The following NCK2 variants were observed in gnomAD, a reference collection of about 807,000 sequenced individuals.
NCK2 encodes the protein NCK adaptor protein 2, also known as cytoplasmic protein NCK2.
A neutral mutation model predicts 33.9 loss-of-function variants in NCK2; 16 were observed. That is an observed-to-expected ratio of 0.47 (90% CI 0.32 to 0.72). The LOEUF is 0.72. Ranked by LOEUF, NCK2 falls within the 30% of genes least tolerant of loss-of-function variation. NCK2 has a pLI of 0.03. For synonymous variants in NCK2, 273 were observed against 239.9 expected, an observed-to-expected ratio of 1.14 and a Z score of -1.27; for missense variants, 418 against 537.3, an observed-to-expected ratio of 0.78 and a Z score of 2.19.
At chr2:105,869,310 A>G (rs1315359746) in intron 3 of NCK2, among the ~76,000 whole-genome samples, 3 of 152,152 alleles carry the variant, frequency 2.0e-5, no homozygotes, top group African/African-American at 7.2e-5. Context: ...TGACAACACA[A>G]TGGCAGCCAT....
At chr2:105,771,859 A>G (rs555547992) in intron 1 of NCK2, among the ~76,000 whole-genome samples, 222 of 152,274 alleles carry the variant, frequency 1.5e-3, no homozygotes, top group Non-Finnish European at 1.5e-3. Context: ...AGGCCTGCCC[A>G]TCACTCAGAT....
Position 105,873,668 on chromosome 2 carries a change from G to T in NCK2, c.227-7660G>T, listed in dbSNP as rs868180278. ...TGGGGGAAGGGTGGTTTTATTTTTTGGGGGCTCTTAATTGAAGAGACTGAA... is the reference window on the plus strand; with the variant it reads ...TGGGGGAAGGGTGGTTTTATTTTTTTGGGGCTCTTAATTGAAGAGACTGAA... On this transcript the variant is annotated intron_variant, in intron 3 of 4. Transcript: ENST00000233154. Among the ~76,000 whole-genome samples, 446 of 146,322 alleles carry T rather than the reference G, an allele frequency of 3.0e-3. 1 individual carries two copies. The highest frequency in any genetic ancestry group is 0.011 in the African/African-American group (401 of 36,048).
At chr2:105,889,730 T>C (rs1475774797) in intron 4 of NCK2, among the ~76,000 whole-genome samples, 2 of 152,020 alleles carry the variant, frequency 1.3e-5, no homozygotes, top group African/African-American at 4.8e-5. Flanking sequence ...ACCACAGGTA[T>C]GCATCACCAC....
intron 1 of NCK2, among the ~76,000 whole-genome samples, chr2:105,778,159 G>T (rs899326954): frequency 6.6e-6 from 1 of 152,190 alleles, no homozygotes; most frequent in African/African-American, 2.4e-5. Flanking sequence ...GCAGGCCTCT[G>T]GGACTGGGTC....
chr2:105,881,550 G>A lies in NCK2; in HGVS notation c.449G>A (p.Arg150Gln), dbSNP rs749591659. 1.2e-6 allele frequency: 2 copies of A among 1,613,974 alleles called. No individual in the cohort carries two copies. Among genetic ancestry groups the A allele is most frequent in the East Asian group, 2.2e-5 (1 of 44,872 alleles). The change falls in exon 4 of 5, where the codon CGG becomes CAG. Residue 150 changes from arginine to glutamine, a missense_variant. Coordinates refer to ENST00000233154, the MANE Select transcript of NCK2 (RefSeq NM_003581.5). ...GAGAAGTGCAGCGACGGTTGGTGGCGGGGCAGCTACAACGGGCAGATCGGC... is the reference window on the plus strand; with the variant it reads ...GAGAAGTGCAGCGACGGTTGGTGGCAGGGCAGCTACAACGGGCAGATCGGC... The part of the protein sequence containing the change: ...VMEKCSDGWW[R>Q]GSYNGQIGWF...
intron 1 of NCK2, among the ~76,000 whole-genome samples, chr2:105,774,526 C>T (rs578014516): frequency 6.6e-6 from 1 of 152,172 alleles, no homozygotes; most frequent in East Asian, 1.9e-4. Flanking sequence ...TGTTGAGCCC[C>T]TGGAACAATG....
At chr2:105,892,939 C>T in intron 4 of NCK2, 43 bp from the exon 5 acceptor site, 2 of 1,539,128 alleles carry the variant, frequency 1.3e-6, no homozygotes, top group Non-Finnish European at 1.8e-6. Context: ...GACACAGCTC[C>T]CCGCTGTGGC....
At chr2:105,838,426 A>G (rs935426046) in intron 2 of NCK2, among the ~76,000 whole-genome samples, 1 of 152,174 alleles carries the variant, frequency 6.6e-6, no homozygotes, top group Non-Finnish European at 1.5e-5. Context: ...TTTGCTAAAA[A>G]GAATTGGAAG....
At chr2:105,778,862 A>G (rs1690395292) in intron 1 of NCK2, among the ~76,000 whole-genome samples, 2 of 151,908 alleles carry the variant, frequency 1.3e-5, no homozygotes, top group African/African-American at 2.4e-5. Flanking sequence ...AGCTAGGACT[A>G]TAGGCACACA....
chr2:105,794,518 C>T (rs1274999026), intron 1 of NCK2, among the ~76,000 whole-genome samples: 1 of 151,906 alleles, frequency 6.6e-6, no homozygotes, highest in Non-Finnish European at 1.5e-5. Flanking sequence ...CTGAAAACAA[C>T]AGAAAATGTT....
intron 4 of NCK2, 97 bp downstream of exon 4, chr2:105,882,146 C>G: frequency 7.8e-7 from 1 of 1,287,744 alleles, no homozygotes; most frequent in Non-Finnish European, 1.0e-6. Context: ...TGTGAGTACA[C>G]TAGAAAGAGC....
intron 3 of NCK2, among the ~76,000 whole-genome samples, chr2:105,876,398 G>T (rs962592188): frequency 6.6e-6 from 1 of 152,230 alleles, no homozygotes; most frequent in African/African-American, 2.4e-5. Flanking sequence ...CTCCCTGAAG[G>T]ATCCACCTGG....
chr2:105,760,589 G>GA (rs1689736619), intron 1 of NCK2, among the ~76,000 whole-genome samples: 1 of 152,078 alleles, frequency 6.6e-6, no homozygotes, highest in Non-Finnish European at 1.5e-5. Context: ...CCACCTCTTG[G>GA]ATCTCTCCAT....
chr2:105,773,828 G>A (rs1180133438), intron 1 of NCK2, among the ~76,000 whole-genome samples: 2 of 152,166 alleles, frequency 1.3e-5, no homozygotes, highest in African/African-American at 2.4e-5. Flanking sequence ...ATCGGTAGTG[G>A]TGTGGACTGT....
At chr2:105,796,184 G>A (rs1023833049) in intron 1 of NCK2, among the ~76,000 whole-genome samples, 7 of 152,176 alleles carry the variant, frequency 4.6e-5, no homozygotes, top group African/African-American at 9.7e-5. Context: ...TGTATTGGCC[G>A]CCCTCTGGGC....
At chr2:105,748,577 T>C (rs1689361962) in intron 1 of NCK2, among the ~76,000 whole-genome samples, 1 of 151,908 alleles carries the variant, frequency 6.6e-6, no homozygotes, top group Non-Finnish European at 1.5e-5. Context: ...AATTTTTTTA[T>C]TTTTATTTTT....
intron 3 of NCK2, among the ~76,000 whole-genome samples, chr2:105,873,862 G>A (rs536506713): frequency 1.2e-4 from 19 of 152,304 alleles, no homozygotes; most frequent in African/African-American, 2.6e-4. Flanking sequence ...TCTGCAGCGT[G>A]GGCAGATGCT....
intron 1 of NCK2, among the ~76,000 whole-genome samples, chr2:105,761,333 A>G (rs919460504): frequency 5.3e-5 from 8 of 152,126 alleles, no homozygotes; most frequent in African/African-American, 1.9e-4. Context: ...GGGAGGGAGA[A>G]GAGTGGCTCA....
At chr2:105,759,641 C>A (rs1413301943) in intron 1 of NCK2, among the ~76,000 whole-genome samples, 1 of 152,100 alleles carries the variant, frequency 6.6e-6, no homozygotes, top group Non-Finnish European at 1.5e-5. Flanking sequence ...TCTAATGAAC[C>A]AGTATTGGTA....
Sources: gnomAD v4.1 joint callset for allele counts (sites outside exome capture counted in the v4.1 genomes callset) on GRCh38, gnomAD v4.1.1 for gene constraint, MANE v1.5 for transcripts, NCBI Gene and HGNC (gene_info 2026-07-23, HGNC 2026-07-21) for gene names.